The following ANKRD28 variants were observed in gnomAD, a reference collection of about 807,000 sequenced individuals.
ANKRD28 encodes ankyrin repeat domain 28, also known as serine/threonine-protein phosphatase 6 regulatory ankyrin repeat subunit A.
ANKRD28 carries 44 observed loss-of-function variants against 126.5 expected under a neutral mutation model. The ratio of observed to expected loss-of-function variants is 0.35; its 90% CI spans 0.27 to 0.45. The LOEUF (loss-of-function observed/expected upper bound fraction) is 0.45. ANKRD28 is among the 20% of genes least tolerant of loss of function. ANKRD28 has a pLI of 1.00. For missense variants in ANKRD28, 1,110 were observed against 1,316.6 expected, an observed-to-expected ratio of 0.84 and a Z score of 2.43; for synonymous variants, 442 against 468.5, an observed-to-expected ratio of 0.94 and a Z score of 0.73.
At chr3:15,782,836 T>C (rs148496501) in intron 2 of ANKRD28, among the ~76,000 whole-genome samples, 1 of 152,202 alleles carries the variant, frequency 6.6e-6, no homozygotes, top group East Asian at 1.9e-4. Context: ...AAGACAAACT[T>C]TCTCTTCATT....
intron 14 of ANKRD28, 40 bp from the exon 15 acceptor site, chr3:15,696,285 C>A: frequency 7.8e-7 from 1 of 1,288,644 alleles, no homozygotes; most frequent in East Asian, 2.5e-5. Flanking sequence ...ATCCTAAATC[C>A]TGCATATTAA....
chr3:15,852,028 ATAG>A (rs1343683596), intron 1 of ANKRD28, among the ~76,000 whole-genome samples: 1 of 152,218 alleles, frequency 6.6e-6, no homozygotes, highest in Non-Finnish European at 1.5e-5. Context: ...CAGAGACAGA[ATAG>A]TAGTCGTCAA....
chr3:15,857,837 A>G (rs2061807809), intron 1 of ANKRD28, among the ~76,000 whole-genome samples: 1 of 152,250 alleles, frequency 6.6e-6, no homozygotes, highest in Non-Finnish European at 1.5e-5. Context: ...AACTTTGTCA[A>G]AAATGCAGGA....
upstream of ANKRD28, among the ~76,000 whole-genome samples, chr3:15,800,833 T>TA (rs1377832263): frequency 6.6e-6 from 1 of 151,994 alleles, no homozygotes; most frequent in Non-Finnish European, 1.5e-5. Context: ...CAAAAGCAGA[T>TA]AAAAAATACT....
intron 1 of ANKRD28, among the ~76,000 whole-genome samples, chr3:15,825,964 A>T (rs1171994757): frequency 1.3e-5 from 2 of 152,186 alleles, no homozygotes; most frequent in African/African-American, 4.8e-5. Flanking sequence ...GAGAGTAAAG[A>T]ATGACTCTTA....
At chr3:15,792,123 T>C (rs938139840) in intron 2 of ANKRD28, among the ~76,000 whole-genome samples, 10 of 152,154 alleles carry the variant, frequency 6.6e-5, no homozygotes, top group South Asian at 2.1e-4. Context: ...TTGTTCACCA[T>C]TGGTGGGAAT....
chr3:15,737,260 A>G (rs758931121), intron 4 of ANKRD28, 27 bp from the exon 5 acceptor site: 1 of 1,587,166 alleles, frequency 6.3e-7, no homozygotes, highest in South Asian at 1.1e-5. Context: ...GTTATAAAAG[A>G]CAAATGAGTT....
intron 1 of ANKRD28, among the ~76,000 whole-genome samples, chr3:15,844,448 G>T (rs1050697614): frequency 6.9e-6 from 1 of 144,856 alleles, no homozygotes; most frequent in African/African-American, 2.5e-5. Flanking sequence ...TGTGGTCAGA[G>T]AAAAAAAAAA....
chr3:15,820,726 C>T (rs368325972), intron 1 of ANKRD28, among the ~76,000 whole-genome samples: 21 of 152,016 alleles, frequency 1.4e-4, no homozygotes, highest in South Asian at 6.2e-4. Flanking sequence ...ATGTCTTTTC[C>T]GCATGACAAA....
rs563788095 is a variant in ANKRD28 at position 15,688,965 on chromosome 3, C to T, written c.1963+1054G>A. Among the ~76,000 whole-genome samples, 8 of 152,222 alleles carry T rather than the reference C, an allele frequency of 5.3e-5. No individual in the cohort carries two copies. The South Asian group carries it at 1.7e-3, about 32-fold the overall frequency. ...TATACCAATCCAAAATAACTTCTAC[C>T]AGAAAGAAATAAATACTGCATTGTT... On this transcript the variant is annotated intron_variant, in intron 18 of 27. Transcript: ENST00000683139.
At position 15,843,852 on chromosome 3, in the gene ANKRD28, G is replaced by T. The variant is rs2061476466; in HGVS notation, c.27+15525C>A. On this transcript the variant is annotated intron_variant, in intron 1 of 27. Transcript: ENST00000399451. This position sits in a 1 kb window ranked among gnomAD's most constrained non-coding sequence, Gnocchi z 5.2. ...GCAAGGGTATCAATACGAAAGCAAT[G>T]GGCAAGTTGCAAGAGGCAGAAGATG... is the stretch of plus-strand genomic sequence containing the variant. Among the ~76,000 whole-genome samples the T allele has an allele frequency of 6.6e-6, 1 of 152,078 alleles. No homozygotes were observed. The highest frequency in any genetic ancestry group is 2.4e-5 in the African/African-American group (1 of 41,420).
At position 15,817,425 on chromosome 3, in the gene ANKRD28, T is replaced by C. The variant is rs1035579677; in HGVS notation, c.28-22119A>G. 6.6e-6 allele frequency among the ~76,000 whole-genome samples: 1 copy of C among 152,178 alleles called. No individual in the cohort carries two copies. Among genetic ancestry groups the C allele is most frequent in the Non-Finnish European group, 1.5e-5 (1 of 68,030 alleles). On this transcript the variant is annotated intron_variant, in intron 1 of 27. Transcript: ENST00000399451. This position sits in a 1 kb window ranked among gnomAD's most constrained non-coding sequence, Gnocchi z 4.5. The stretch of plus-strand genomic sequence containing the variant: ...AGGCACCATTTCTTATTGCTCTAAG[T>C]ACTCACCTTCTAATAAGGGAAAAGA...
At chr3:15,727,761 G>A (rs911031964) in intron 6 of ANKRD28, among the ~76,000 whole-genome samples, 1 of 152,026 alleles carries the variant, frequency 6.6e-6, no homozygotes, top group Non-Finnish European at 1.5e-5. Context: ...AGAATAAGAA[G>A]TGGAGTCTGA....
intron 1 of ANKRD28, among the ~76,000 whole-genome samples, chr3:15,852,581 C>A (rs1338083034): frequency 1.3e-5 from 2 of 152,118 alleles, no homozygotes; most frequent in Non-Finnish European, 2.9e-5. Context: ...CGCCTGTAAT[C>A]CCAGCACTTT....
At position 15,814,268 on chromosome 3, in the gene ANKRD28, T is replaced by C; in HGVS notation, c.28-18962A>G. 1 of 1,264,390 alleles carries C rather than the reference T, an allele frequency of 7.9e-7. No individual in the cohort carries two copies. Among genetic ancestry groups the C allele is most frequent in the Non-Finnish European group, 1.0e-6 (1 of 980,682 alleles). The allele number at this position is 1,264,390 out of a possible 1,614,324, so 78.3% of individuals were successfully genotyped here. ...AATAGGAATTCCCATACTATTTTCC[T>C]CTGGTGGAGGCAGTTGTACTGTTTC... On this transcript the variant is annotated intron_variant, in intron 1 of 27. Transcript: ENST00000399451. This position sits in a 1 kb window ranked among gnomAD's most constrained non-coding sequence, Gnocchi z 4.7.
At chr3:15,736,457 A>G (rs1348779242) in intron 5 of ANKRD28, among the ~76,000 whole-genome samples, 1 of 152,184 alleles carries the variant, frequency 6.6e-6, no homozygotes, top group Non-Finnish European at 1.5e-5. Flanking sequence ...TACTTTACCT[A>G]TAAGTTCCTA....
rs374459641 is a variant in ANKRD28, at chr3:15,808,889, T to C, written c.28-13583A>G. On this transcript the variant is annotated intron_variant, in intron 1 of 27. Coordinates refer to the ANKRD28 transcript ENST00000399451. ...CATTATTCTCAACTACTCTACAATA[T>C]TGGGCAATAACCTCTCTTCTTGTTG... 5.3e-5 allele frequency among the ~76,000 whole-genome samples: 8 copies of C among 152,302 alleles called. No homozygotes were observed. The South Asian group carries it at 1.2e-3, about 24-fold the overall frequency.
chr3:15,674,218 A>G (rs1261065225), intron 27 of ANKRD28, among the ~76,000 whole-genome samples: 1 of 151,146 alleles, frequency 6.6e-6, no homozygotes, highest in Non-Finnish European at 1.5e-5. Context: ...CCGAAATTCA[A>G]GAGTAACATG....
chr3:15,789,289 T>C (rs912078299), intron 2 of ANKRD28, among the ~76,000 whole-genome samples: 4 of 152,022 alleles, frequency 2.6e-5, no homozygotes, highest in Non-Finnish European at 5.9e-5. Flanking sequence ...CTCCAGGGGA[T>C]GAACCAGGTG....
Sources: gnomAD v4.1 joint callset for allele counts (sites outside exome capture counted in the v4.1 genomes callset) on GRCh38, gnomAD v4.1.1 for gene constraint, Gnocchi (gnomAD v3.1) non-coding constraint, MANE v1.5 for transcripts, NCBI Gene and HGNC (gene_info 2026-07-23, HGNC 2026-07-21) for gene names.